ATF7: variants seen among roughly 807,000 people sequenced by gnomAD.
ATF7 encodes activating transcription factor 7.
In ATF7, 10 loss-of-function variants were observed where a neutral mutation model predicts 50.4. The ratio of observed to expected loss-of-function variants is 0.20; its 90% confidence interval spans 0.12 to 0.34. The LOEUF (loss-of-function observed/expected upper bound fraction) is 0.34. ATF7 is among the 10% of genes least tolerant of loss of function. ATF7 has a pLI of 1.00. For missense variants in ATF7, 465 were observed against 613.9 expected, an observed-to-expected ratio of 0.76 and a Z score of 2.56; for synonymous variants, 201 against 226.4, an observed-to-expected ratio of 0.89 and a Z score of 1.01.
chr12:53,606,680 A>G (rs1943620245), intron 1 of ATF7, among the ~76,000 whole-genome samples: 1 of 150,958 alleles, frequency 6.6e-6, no homozygotes, highest in Admixed American at 6.6e-5. Flanking sequence ...TGTCATTTAC[A>G]TTAGGTATAT....
At chr12:53,576,319 T>C (rs1323451244) in intron 2 of ATF7, among the ~76,000 whole-genome samples, 1 of 152,172 alleles carries the variant, frequency 6.6e-6, no homozygotes, top group Non-Finnish European at 1.5e-5. Context: ...CCCTCTGTTC[T>C]TCCCTCTGGC....
intron 2 of ATF7, among the ~76,000 whole-genome samples, chr12:53,598,283 G>A (rs1409387336): frequency 3.9e-5 from 6 of 152,182 alleles, no homozygotes; most frequent in Non-Finnish European, 8.8e-5. Context: ...AATCTCACCT[G>A]ACCATAAAGT....
chr12:53,542,800 G>T, intron 4 of ATF7: 1 of 474,554 alleles, frequency 2.1e-6, no homozygotes, highest in Non-Finnish European at 2.8e-6. Context: ...TTGAAAGACA[G>T]TAGGAACATC....
chr12:53,587,949 CA>C (rs1207469577), intron 2 of ATF7, among the ~76,000 whole-genome samples: 1 of 150,680 alleles, frequency 6.6e-6, no homozygotes, highest in Non-Finnish European at 1.5e-5. Context: ...CAGGTTCAAG[CA>C]ATTCTCCTGC....
intron 1 of ATF7, among the ~76,000 whole-genome samples, chr12:53,615,339 G>A (rs539910464): frequency 9.3e-5 from 14 of 150,908 alleles, no homozygotes; most frequent in Non-Finnish European, 1.8e-4. Flanking sequence ...AGCCGAGCTC[G>A]TGCCACTGCA....
chr12:53,609,343 G>A (rs537227643), intron 1 of ATF7, among the ~76,000 whole-genome samples: 16 of 151,750 alleles, frequency 1.1e-4, no homozygotes, highest in Admixed American at 5.9e-4. Flanking sequence ...TAGTAGAGAC[G>A]GGGTTTCTCC....
intron 2 of ATF7, among the ~76,000 whole-genome samples, chr12:53,587,210 T>C (rs2137741930): frequency 6.7e-6 from 1 of 150,196 alleles, no homozygotes; most frequent in African/African-American, 2.4e-5. Flanking sequence ...CTACTGAAAA[T>C]ACAAAAATTA....
At chr12:53,508,618 G>A (rs939765610), downstream of ATF7, among the ~76,000 whole-genome samples, 2 of 151,958 alleles carry the variant, frequency 1.3e-5, no homozygotes, top group African/African-American at 4.8e-5. Flanking sequence ...CCCACTGAAT[G>A]AGTGTGGCTT....
At chr12:53,557,778 T>C (rs1022026954) in intron 2 of ATF7, among the ~76,000 whole-genome samples, 4 of 152,254 alleles carry the variant, frequency 2.6e-5, no homozygotes, top group African/African-American at 7.2e-5. Flanking sequence ...CACATAGCTA[T>C]TGAGTACTTG....
At chr12:53,564,551 G>C (rs972254293) in intron 2 of ATF7, among the ~76,000 whole-genome samples, 2 of 152,148 alleles carry the variant, frequency 1.3e-5, no homozygotes, top group African/African-American at 4.8e-5. Flanking sequence ...CAGAATATGA[G>C]CATATGAGCA....
chr12:53,622,088 G>T (rs1429581536), intron 1 of ATF7, among the ~76,000 whole-genome samples: 1 of 151,618 alleles, frequency 6.6e-6, no homozygotes, highest in Non-Finnish European at 1.5e-5. Context: ...ATCACTTGAG[G>T]TCAAGAGTTC....
At position 53,523,281 on chromosome 12, in the gene ATF7, T is replaced by C. The variant is rs1376138037; in HGVS notation, c.1229A>G (p.Tyr410Cys). Reference sequence around the variant, plus strand: ...TTAGGTTGTGTGCCACTCACCTAAATAGCCTTGAGTCTTTTTCTGTAGTGC... The same window carrying C: ...TTAGGTTGTGTGCCACTCACCTAAACAGCCTTGAGTCTTTTTCTGTAGTGC... ...VTALQKKTQG[Y>C]LESPKESSEP... The change falls in exon 11 of 12, where the codon TAT becomes TGT. Residue 410 changes from tyrosine (Y) to cysteine (C), a missense_variant. Tyr to Cys is a radical substitution (Grantham distance 194). Coordinates refer to ENST00000420353, the MANE Select transcript of ATF7 (RefSeq NM_006856.3). 1 of 1,609,870 alleles carries C rather than the reference T, an allele frequency of 6.2e-7. No individual in the cohort carries two copies. The highest frequency in any genetic ancestry group is 8.5e-7 in the Non-Finnish European group (1 of 1,176,314).
intron 2 of ATF7, among the ~76,000 whole-genome samples, chr12:53,572,628 C>T (rs1294435233): frequency 6.6e-6 from 1 of 152,072 alleles, no homozygotes; most frequent in South Asian, 2.1e-4. Flanking sequence ...GTTTCAGTTA[C>T]CCATAGTCAA....
At chr12:53,561,600 G>T (rs1444928462) in intron 2 of ATF7, among the ~76,000 whole-genome samples, 1 of 152,194 alleles carries the variant, frequency 6.6e-6, no homozygotes, top group East Asian at 1.9e-4. Context: ...GGGAAAGGGA[G>T]AAGAAGGAAG....
intron 1 of ATF7, among the ~76,000 whole-genome samples, chr12:53,606,405 C>T (rs767581509): frequency 4.6e-5 from 7 of 151,982 alleles, no homozygotes; most frequent in Non-Finnish European, 1.0e-4. Context: ...TGTGCCACCA[C>T]GCCTGGCTAA....
chr12:53,542,722 C>G (rs1048708387), intron 4 of ATF7, among the ~76,000 whole-genome samples: 1 of 152,280 alleles, frequency 6.6e-6, no homozygotes, highest in East Asian at 1.9e-4. Flanking sequence ...TGCTTGGCCA[C>G]TTGATTTCTT....
intron 2 of ATF7, among the ~76,000 whole-genome samples, chr12:53,557,748 G>A (rs1198897784): frequency 1.3e-5 from 2 of 152,196 alleles, no homozygotes; most frequent in Non-Finnish European, 2.9e-5. Context: ...TGCACTATCT[G>A]ATATGGTAGC....
chr12:53,618,426 G>A (rs367750337), intron 1 of ATF7, among the ~76,000 whole-genome samples: 2 of 152,166 alleles, frequency 1.3e-5, no homozygotes, highest in East Asian at 1.9e-4. Flanking sequence ...ATTCATTCAC[G>A]ATTTGCAATT....
At chr12:53,538,919 C>T (rs1939375643) in intron 4 of ATF7, among the ~76,000 whole-genome samples, 1 of 152,128 alleles carries the variant, frequency 6.6e-6, no homozygotes. Context: ...ATGTCAGGTC[C>T]AATTTAGCTA....
Sources: gnomAD v4.1 joint callset for allele counts (sites outside exome capture counted in the v4.1 genomes callset) on GRCh38, gnomAD v4.1.1 for gene constraint, MANE v1.5 for transcripts, NCBI Gene and HGNC (gene_info 2026-07-23, HGNC 2026-07-21) for gene names.